PGM2L1: variants seen among roughly 807,000 people sequenced by gnomAD.
The protein encoded by PGM2L1 is phosphoglucomutase 2 like 1.
Under a neutral mutation model 73.4 loss-of-function variants are expected in PGM2L1, and 35 were observed. The ratio of observed to expected loss-of-function variants is 0.48; its 90% confidence interval spans 0.36 to 0.63. The LOEUF (loss-of-function observed/expected upper bound fraction) is 0.63, where lower values mean the gene tolerates loss of function less well. Among genes scored for constraint, PGM2L1 ranks in the 30% least tolerant of loss-of-function variants. The pLI is 0.00. For missense variants in PGM2L1, 570 were observed against 742.0 expected, an observed-to-expected ratio of 0.77 and a Z score of 2.69; for synonymous variants, 225 against 253.8, an observed-to-expected ratio of 0.89 and a Z score of 1.08.
intron 1 of PGM2L1, among the ~76,000 whole-genome samples, chr11:74,388,024 T>C (rs1050355973): frequency 6.6e-6 from 1 of 152,228 alleles, no homozygotes; most frequent in Admixed American, 6.5e-5. Context: ...TGTTGTTCTA[T>C]AACTTGCTTA....
chr11:74,349,915 T>C (rs1317083780), intron 6 of PGM2L1, among the ~76,000 whole-genome samples: 1 of 152,078 alleles, frequency 6.6e-6, no homozygotes, highest in Admixed American at 6.5e-5. Context: ...AAATTTGAGG[T>C]TTCTTTGTAG....
At chr11:74,369,383 T>A (rs533639461) in intron 4 of PGM2L1, among the ~76,000 whole-genome samples, 2 of 137,330 alleles carry the variant, frequency 1.5e-5, no homozygotes, top group Admixed American at 1.4e-4. Context: ...GAATTAAACA[T>A]AAATGGAGTT....
rs770882712 is a variant in PGM2L1, at chr11:74,342,621, T to C, written c.1472A>G (p.Tyr491Cys). 1.9e-6 allele frequency: 3 copies of C among 1,587,180 alleles called. No homozygotes were observed. Among genetic ancestry groups the C allele is most frequent in the South Asian group, 1.2e-5 (1 of 86,606 alleles). ...KYGYHISKTS[Y>C]FLCYEPPTIK... is the part of the protein sequence containing the mutation. ...GGTAGGTGGTTCATAACACAAGAAA[T>C]AGGAAGTTTTTGAAATATGATAACC... Residue 491 changes from tyrosine to cysteine, a missense_variant, in exon 12 of 14, where the codon TAT (tyrosine) becomes TGT (cysteine). By Grantham distance (194) the Tyr-to-Cys change is radical. Coordinates refer to ENST00000298198, the MANE Select transcript of PGM2L1 (RefSeq NM_173582.6).
intron 1 of PGM2L1, among the ~76,000 whole-genome samples, chr11:74,390,076 G>A (rs985701043): frequency 7.5e-5 from 11 of 145,988 alleles, no homozygotes; most frequent in Non-Finnish European, 4.5e-5. Context: ...CCGAGATTGC[G>A]CCACTGCACT....
chr11:74,367,902 C>T (rs181334983), intron 5 of PGM2L1, among the ~76,000 whole-genome samples: 6 of 152,248 alleles, frequency 3.9e-5, no homozygotes, highest in Admixed American at 2.0e-4. Flanking sequence ...AGACAGAGCT[C>T]GGTATGTCTG....
intron 2 of PGM2L1, 136 bp downstream of exon 2, chr11:74,374,279 T>A: frequency 1.6e-6 from 1 of 640,136 alleles, no homozygotes; most frequent in Non-Finnish European, 2.4e-6. Flanking sequence ...AGACGGGGTT[T>A]CACCATGTTG....
Position 74,374,434 on chromosome 11 carries a change from G to T in PGM2L1, c.260C>A (p.Thr87Lys). The change falls in exon 2 of 14, where the codon ACA becomes AAA. Residue 87 changes from threonine to lysine, a missense_variant. By Grantham distance (78) the Thr-to-Lys change is moderately conservative (BLOSUM62 -1). Transcript: ENST00000298198. ...GAGFCYINDL[T>K]VIQSTQGMYK... Reference sequence around the variant, plus strand: ...ACTTACCTGTGTTGACTGTATTACTGTAAGGTCATTAATATAGCAAAACCC... The same window carrying T: ...ACTTACCTGTGTTGACTGTATTACTTTAAGGTCATTAATATAGCAAAACCC... 6.2e-7 allele frequency: 1 copy of T among 1,613,208 alleles called. No homozygotes were observed. Among genetic ancestry groups the T allele is most frequent in the Non-Finnish European group, 8.5e-7 (1 of 1,179,428 alleles).
At chr11:74,364,256 T>C (rs1862616116) in intron 5 of PGM2L1, among the ~76,000 whole-genome samples, 1 of 152,164 alleles carries the variant, frequency 6.6e-6, no homozygotes, top group East Asian at 1.9e-4. Flanking sequence ...ACAGCCAATA[T>C]CATACTGAAT....
chr11:74,369,896 A>G (rs1197863966), intron 4 of PGM2L1, among the ~76,000 whole-genome samples: 2 of 151,892 alleles, frequency 1.3e-5, no homozygotes, highest in Non-Finnish European at 2.9e-5. Context: ...ACAGGCGTGC[A>G]CCACCACACC....
rs547132460 is a variant in PGM2L1, at chr11:74,336,549, C to T, written c.*103G>A. 2.4e-5 allele frequency: 15 copies of T among 628,230 alleles called. No homozygotes were observed. In the East Asian group the frequency reaches 4.2e-4, roughly 18 times the overall value. The allele number at this position is 628,230 out of a possible 1,614,324, so 38.9% of individuals were successfully genotyped here. Reference sequence around the variant, plus strand: ...AAATAAAAGGAAAAAGATACTCGGCCAGATGAGATAGAGAGAGAATGCTAA... The same window carrying T: ...AAATAAAAGGAAAAAGATACTCGGCTAGATGAGATAGAGAGAGAATGCTAA... On this transcript the variant is annotated 3_prime_UTR_variant, in exon 14 of 14. Transcript: ENST00000298198.
intron 5 of PGM2L1, among the ~76,000 whole-genome samples, chr11:74,361,513 G>A (rs1281065524): frequency 2.6e-5 from 4 of 152,168 alleles, no homozygotes; most frequent in Non-Finnish European, 5.9e-5. Flanking sequence ...AAAGGAACAC[G>A]GCTCCTTGCC....
chr11:74,361,920 GA>G (rs1168500339), intron 5 of PGM2L1, among the ~76,000 whole-genome samples: 2 of 152,218 alleles, frequency 1.3e-5, no homozygotes, highest in Non-Finnish European at 2.9e-5. Context: ...ATCTACATCT[GA>G]TTGGTATACC....
intron 13 of PGM2L1, among the ~76,000 whole-genome samples, chr11:74,337,625 A>G (rs1862117637): frequency 6.6e-6 from 1 of 152,216 alleles, no homozygotes. Context: ...CTTAGTCACA[A>G]TTCATCCTCT....
rs1288490916 is a variant in PGM2L1, at chr11:74,334,708, A to G, written c.*1944T>C. The G allele has an allele frequency of 6.6e-6, 1 of 152,236 alleles. No homozygotes were observed. The highest frequency in any genetic ancestry group is 2.4e-5 in the African/African-American group (1 of 41,460). The allele number at this position is 152,236 out of a possible 1,614,324, so 9.4% of individuals were successfully genotyped here. On this transcript the variant is annotated 3_prime_UTR_variant, in exon 14 of 14. Coordinates refer to ENST00000298198, the MANE Select transcript of PGM2L1 (RefSeq NM_173582.6). The stretch of plus-strand genomic sequence containing the variant: ...CAAACGAAACCATGATTTAAGGAAC[A>G]TTCTAATCAGTTCAAACTTTATATT...
Position 74,342,947 on chromosome 11 carries a change from C to T in PGM2L1, c.1380G>A (p.Met460Ile). The change falls in exon 11 of 14, where the codon ATG (methionine) becomes ATA (isoleucine). Residue 460 changes from methionine (M) to isoleucine (I), a missense_variant. By Grantham distance (10) the Met-to-Ile change is conservative (BLOSUM62 1). Transcript: ENST00000298198. ...TATTCATGGTTTCCAGGTAAGATGC[C>T]ATCTCAGCAACCACAACAGCTGCAC... ...GVSAAVVVAE[M>I]ASYLETMNIT... 6.2e-7 allele frequency: 1 copy of T among 1,610,954 alleles called. No individual in the cohort carries two copies. Among genetic ancestry groups the T allele is most frequent in the Non-Finnish European group, 8.5e-7 (1 of 1,178,350 alleles).
chr11:74,351,977 TAAA>T (rs3028686), intron 5 of PGM2L1, among the ~76,000 whole-genome samples: 3 of 143,560 alleles, frequency 2.1e-5, no homozygotes, highest in African/African-American at 7.6e-5. Flanking sequence ...AAAAAATAAA[TAAA>T]AATAAAAATA....
intron 1 of PGM2L1, among the ~76,000 whole-genome samples, chr11:74,376,742 T>G (rs897789442): frequency 6.6e-6 from 1 of 152,112 alleles, no homozygotes; most frequent in African/African-American, 2.4e-5. Flanking sequence ...AGTTACAGAC[T>G]TCACAACCAG....
chr11:74,336,703 T>C lies in PGM2L1; in HGVS notation c.1818A>G (p.Ile606Met), dbSNP rs1345068197. 6.2e-6 allele frequency: 10 copies of C among 1,613,120 alleles called. No individual in the cohort carries two copies. In the African/African-American group the frequency reaches 9.3e-5, roughly 15 times the overall value. The change falls in exon 14 of 14, where the codon ATA becomes ATG. Residue 606 changes from isoleucine (I) to methionine (M), a missense_variant. By Grantham distance (10) the Ile-to-Met change is conservative (BLOSUM62 1). Transcript: ENST00000298198. ...TCTTACTAGGCTGAAGAAAATTCTC[T>C]ATCAGAGCATCAATGAGTTTCTTCA... is the stretch of plus-strand genomic sequence containing the variant. ...EELKKLIDAL[I>M]ENFLQPSKNG...
At position 74,374,468 on chromosome 11, in the gene PGM2L1, T is replaced by C. The variant is rs1282312111; in HGVS notation, c.226A>G (p.Met76Val). The part of the protein sequence containing the change: ...TFGTAGLRSA[M>V]GAGFCYINDL... ...TTAATATAGCAAAACCCTGCCCCCA[T>C]GGCAGAACGAAGTCCTGCAGTCCCA... The change falls in exon 2 of 14, where the codon ATG becomes GTG. Residue 76 changes from methionine (M) to valine (V), a missense_variant. Transcript: ENST00000298198. 2.5e-6 allele frequency: 4 copies of C among 1,614,012 alleles called. No individual in the cohort carries two copies. The South Asian group carries it at 3.3e-5, about 13-fold the overall frequency.
Sources: gnomAD v4.1 joint callset for allele counts (sites outside exome capture counted in the v4.1 genomes callset) on GRCh38, gnomAD v4.1.1 for gene constraint, MANE v1.5 for transcripts, NCBI Gene and HGNC (gene_info 2026-07-23, HGNC 2026-07-21) for gene names.